The following PKNOX2 variants were observed in gnomAD, a reference collection of about 807,000 sequenced individuals.
PKNOX2 encodes PBX/knotted 1 homeobox 2, also known as homeobox protein PKNOX2.
Under a neutral mutation model 53.1 loss-of-function variants are expected in PKNOX2, and 14 were observed. The ratio of observed to expected loss-of-function variants is 0.26; its 90% CI spans 0.17 to 0.41. The LOEUF (loss-of-function observed/expected upper bound fraction) is 0.41, where lower values mean the gene tolerates loss of function less well. PKNOX2 is among the 10% of genes least tolerant of loss of function. The probability of loss-of-function intolerance (pLI) is 1.00; values close to 1 mark genes in which losing one functional copy is unlikely to be tolerated. For missense variants in PKNOX2, 496 were observed against 602.8 expected (o/e 0.82, Z 1.85); for synonymous variants, 257 against 242.8 (o/e 1.06, Z -0.54).
At position 125,422,588 on chromosome 11, in the gene PKNOX2, C is replaced by T. The variant is rs1279991785; in HGVS notation, c.937-6424C>T. ...GATGCTTCTCCATCCAAGACTGAGC[C>T]TTGTCGACAACAGGCAAGTCAGCTG... On this transcript the variant is annotated intron_variant, in intron 10 of 12. Coordinates refer to ENST00000298282, the MANE Select transcript of PKNOX2 (RefSeq NM_001382323.2). The surrounding 1 kb of genome is among the most constrained non-coding windows in gnomAD (Gnocchi z 4.1). Among the ~76,000 whole-genome samples, 1 of 152,152 alleles carries T rather than the reference C, an allele frequency of 6.6e-6. No homozygotes were observed. The highest frequency in any genetic ancestry group is 2.4e-5 in the African/African-American group (1 of 41,420).
intron 2 of PKNOX2, among the ~76,000 whole-genome samples, chr11:125,255,997 G>T (rs1944379050): frequency 6.6e-6 from 1 of 151,926 alleles, no homozygotes; most frequent in Non-Finnish European, 1.5e-5. Context: ...AGGAGTAAAA[G>T]AAATACAGAA....
rs1565515607 is a variant in PKNOX2, at chr11:125,396,585, A to ATT, written c.400-1289_400-1288insTT. Reference sequence around the variant, plus strand: ...AAGAATAATGCAGAAACTTTTAAAAAAAAAAAAAAAAAGCTATAAGCTTAG... The same window carrying ATT: ...AAGAATAATGCAGAAACTTTTAAAAATTAAAAAAAAAAAAGCTATAAGCTTAG... On this transcript the variant is annotated intron_variant, in intron 6 of 12. Coordinates refer to ENST00000298282, the MANE Select transcript of PKNOX2 (RefSeq NM_001382323.2). Among the ~76,000 whole-genome samples the ATT allele has an allele frequency of 6.1e-4, 92 of 151,958 alleles. 1 individual carries two copies. Among genetic ancestry groups the ATT allele is most frequent in the African/African-American group, 2.2e-3 (90 of 41,426 alleles).
At chr11:125,345,307 G>A (rs1030050887) in intron 3 of PKNOX2, among the ~76,000 whole-genome samples, 7 of 152,104 alleles carry the variant, frequency 4.6e-5, no homozygotes, top group Non-Finnish European at 8.8e-5. Context: ...TGATTTGGAG[G>A]TGACAAACCC....
intron 2 of PKNOX2, among the ~76,000 whole-genome samples, chr11:125,262,781 T>A (rs1306505221): frequency 6.6e-6 from 1 of 152,104 alleles, no homozygotes; most frequent in Non-Finnish European, 1.5e-5. Flanking sequence ...CTCTCTTTTC[T>A]TTCTCTAACT....
chr11:125,412,193 G>A (rs1425805584), intron 10 of PKNOX2, among the ~76,000 whole-genome samples: 1 of 152,220 alleles, frequency 6.6e-6, no homozygotes, highest in Non-Finnish European at 1.5e-5. Flanking sequence ...GGTCACTGCG[G>A]GGAGTGGGTG....
At chr11:125,377,121 G>A (rs186890436) in intron 5 of PKNOX2, among the ~76,000 whole-genome samples, 7 of 152,290 alleles carry the variant, frequency 4.6e-5, no homozygotes. Context: ...AAATGGAGCA[G>A]GCATTAATTG....
Position 125,411,616 on chromosome 11 carries a change from C to T in PKNOX2, c.817-130C>T, listed in dbSNP as rs1234914248. The T allele has an allele frequency of 5.4e-6, 8 of 1,469,728 alleles. No homozygotes were observed. The East Asian group carries it at 1.4e-4, about 26-fold the overall frequency. The allele number at this position is 1,469,728 out of a possible 1,614,324, so 91.0% of individuals were successfully genotyped here. A position where few individuals can be genotyped will look rare whatever the true frequency, so the allele number is the denominator to read the frequency against. On this transcript the variant is annotated intron_variant, in intron 9 of 12. Coordinates refer to ENST00000298282, the MANE Select transcript of PKNOX2 (RefSeq NM_001382323.2). ...GGCATGGGCTGAGAGGGAAAGGTGA[C>T]CTCCCCAGGGCCCTAGGAATGAGCC...
At chr11:125,176,065 T>G (rs995871792) in intron 1 of PKNOX2, among the ~76,000 whole-genome samples, 1 of 152,206 alleles carries the variant, frequency 6.6e-6, no homozygotes, top group African/African-American at 2.4e-5. Flanking sequence ...TTCCATGACT[T>G]CCTTGTGGCT....
intron 1 of PKNOX2, among the ~76,000 whole-genome samples, chr11:125,210,285 C>T (rs1939670445): frequency 6.6e-6 from 1 of 152,120 alleles, no homozygotes; most frequent in Admixed American, 6.5e-5. Flanking sequence ...TGGCTAAAAC[C>T]AAAGCCTCAC....
intron 1 of PKNOX2, among the ~76,000 whole-genome samples, chr11:125,169,844 A>T (rs1337470197): frequency 6.6e-6 from 1 of 152,174 alleles, no homozygotes; most frequent in African/African-American, 2.4e-5. Context: ...CTTGCATTAC[A>T]TCCTAGAATT....
intron 12 of PKNOX2, 32 bp from the exon 13 acceptor site, chr11:125,431,134 T>C: frequency 6.2e-7 from 1 of 1,605,176 alleles, no homozygotes; most frequent in Non-Finnish European, 8.5e-7. Context: ...CAGCAGCCCC[T>C]GCCTCGTCCT....
intron 1 of PKNOX2, among the ~76,000 whole-genome samples, chr11:125,202,615 C>G (rs143105005): frequency 6.6e-6 from 1 of 151,782 alleles, no homozygotes; most frequent in African/African-American, 2.4e-5. Flanking sequence ...CAGGGGACAC[C>G]GAGGGATGTC....
chr11:125,295,593 G>C (rs920360336), intron 2 of PKNOX2, among the ~76,000 whole-genome samples: 6 of 152,204 alleles, frequency 3.9e-5, no homozygotes, highest in African/African-American at 1.4e-4. Flanking sequence ...TGGGAGAGGA[G>C]GGAAGCAGCA....
At chr11:125,270,514 C>T (rs1232196271) in intron 2 of PKNOX2, among the ~76,000 whole-genome samples, 2 of 152,190 alleles carry the variant, frequency 1.3e-5, no homozygotes, top group East Asian at 1.9e-4. Flanking sequence ...CCACGCCTGG[C>T]GCCATTCAGT....
At position 125,431,276 on chromosome 11, in the gene PKNOX2, G is replaced by A; in HGVS notation, c.1303G>A (p.Glu435Lys). ...HDDSLDGTEE[E>K]DEDEMEEEEE... ...TGACTCATTGGATGGGACAGAAGAA[G>A]AGGATGAGGATGAGATGGAAGAGGA... Residue 435 changes from glutamate to lysine, a missense_variant, in exon 13 of 13, where the codon GAG (glutamate) becomes AAG (lysine). Physicochemically the swap from Glu to Lys is moderately conservative, Grantham distance 56. Around this residue, in one of 5 missense-constraint regions of PKNOX2, gnomAD observed 139 missense variants for 161.3 expected, o/e 0.86. Coordinates refer to ENST00000298282, the MANE Select transcript of PKNOX2 (RefSeq NM_001382323.2). 6.2e-7 allele frequency: 1 copy of A among 1,613,630 alleles called. No homozygotes were observed. The highest frequency in any genetic ancestry group is 8.5e-7 in the Non-Finnish European group (1 of 1,179,884).
At chr11:125,271,441 C>T (rs1565484742) in intron 2 of PKNOX2, among the ~76,000 whole-genome samples, 1 of 152,218 alleles carries the variant, frequency 6.6e-6, no homozygotes, top group Non-Finnish European at 1.5e-5. Context: ...TAGACTTCCT[C>T]CCATAATTTG....
At chr11:125,216,040 A>T (rs965628755) in intron 1 of PKNOX2, among the ~76,000 whole-genome samples, 1 of 152,248 alleles carries the variant, frequency 6.6e-6, no homozygotes, top group African/African-American at 2.4e-5. Context: ...GATTGATTTC[A>T]GAACACTAGA....
At chr11:125,395,953 CTTTTTTT>C (rs949920113) in intron 6 of PKNOX2, among the ~76,000 whole-genome samples, 1 of 131,904 alleles carries the variant, frequency 7.6e-6, no homozygotes, top group Non-Finnish European at 1.6e-5. Context: ...ACTGGATCAT[CTTTTTTT>C]TTTTTTTTTT....
Position 125,426,413 on chromosome 11 carries a change from C to T in PKNOX2, c.937-2599C>T, listed in dbSNP as rs188210657. 5.9e-5 allele frequency among the ~76,000 whole-genome samples: 9 copies of T among 152,358 alleles called. No homozygotes were observed. In the East Asian group the frequency reaches 1.7e-3, roughly 29 times the overall value. ...TCCCATCTAGTCTGTGAGTTCTTAA[C>T]TTCAGATATCTTTCACTTGCCAGCA... On this transcript the variant is annotated intron_variant, in intron 10 of 12. Coordinates refer to ENST00000298282, the MANE Select transcript of PKNOX2 (RefSeq NM_001382323.2).
Sources: gnomAD v4.1 joint callset for allele counts (sites outside exome capture counted in the v4.1 genomes callset) on GRCh38, gnomAD v4.1.1 for gene constraint, gnomAD v4.1.1 regional missense constraint, Gnocchi (gnomAD v3.1) non-coding constraint, MANE v1.5 for transcripts, NCBI Gene and HGNC (gene_info 2026-07-23, HGNC 2026-07-21) for gene names.